The following LMNB1 variants were observed in gnomAD, a reference collection of about 807,000 sequenced individuals.
The protein encoded by LMNB1 is lamin B1, also known as lamin-B1.
In LMNB1, 23 loss-of-function variants were observed where a neutral mutation model predicts 67.1. The ratio of observed to expected loss-of-function variants is 0.34; its 90% CI spans 0.25 to 0.49. The LOEUF is 0.49. Among genes scored for constraint, LMNB1 ranks in the 20% least tolerant of loss-of-function variants. The probability of loss-of-function intolerance (pLI) is 0.99; values close to 1 mark genes in which losing one functional copy is unlikely to be tolerated. For synonymous variants in LMNB1, 281 were observed against 282.9 expected, an observed-to-expected ratio of 0.99 and a Z score of 0.07; for missense variants, 634 against 746.5, an observed-to-expected ratio of 0.85 and a Z score of 1.76.
chr5:126,780,498 G>T (rs371439129), intron 1 of LMNB1, among the ~76,000 whole-genome samples: 2 of 152,152 alleles, frequency 1.3e-5, no homozygotes, highest in Non-Finnish European at 2.9e-5. Flanking sequence ...TTTCAGCGGG[G>T]TTAAAAAATG....
intron 1 of LMNB1, among the ~76,000 whole-genome samples, chr5:126,784,717 G>A (rs921551723): frequency 6.8e-6 from 1 of 148,114 alleles, no homozygotes; most frequent in Non-Finnish European, 1.5e-5. Flanking sequence ...GTGCAGTGGC[G>A]CCATCTCGGC....
chr5:126,810,188 C>T lies in LMNB1; in HGVS notation c.651C>T (p.Asn217=), dbSNP rs762491977. 20 of 1,610,538 alleles carry T rather than the reference C, an allele frequency of 1.2e-5. No individual in the cohort carries two copies. The highest frequency in any genetic ancestry group is 3.3e-5 in the Admixed American group (2 of 59,956). ...TTTTGTTTTTTCCCCAGGAGATTAA[C>T]GAGACCAGAAGGAAGCATGAAACGC... ...FRKSMYEEEI[N]ETRRKHETRL... The change falls in exon 4 of 11, where the codon AAC becomes AAT. Residue 217 remains asparagine, a synonymous_variant. Coordinates refer to ENST00000261366, the MANE Select transcript of LMNB1 (RefSeq NM_005573.4).
At chr5:126,823,412 G>C (rs1751917735) in intron 8 of LMNB1, among the ~76,000 whole-genome samples, 1 of 152,074 alleles carries the variant, frequency 6.6e-6, no homozygotes, top group South Asian at 2.1e-4. Flanking sequence ...CTCTCTATTG[G>C]TATGTTCTGA....
chr5:126,807,778 T>G (rs558036181), intron 3 of LMNB1, among the ~76,000 whole-genome samples: 12 of 152,352 alleles, frequency 7.9e-5, no homozygotes, highest in Admixed American at 6.5e-4. Context: ...TAATTTAATA[T>G]TTTTAGAGTG....
rs79035189 is a variant in LMNB1, at chr5:126,798,784, T to C, written c.360-5992T>C. Among the ~76,000 whole-genome samples the C allele has an allele frequency of 2.8e-4, 43 of 151,654 alleles. 1 individual carries two copies. The East Asian group carries it at 5.2e-3, about 18-fold the overall frequency. ...AGAAGTGTGTGTGTGTGTGTGTGTG[T>C]GCGTGTGCTTGTAACATTTAGCAAA... On this transcript the variant is annotated intron_variant, in intron 1 of 10. Transcript: ENST00000261366.
Position 126,777,614 on chromosome 5 carries a change from C to A in LMNB1, c.106C>A (p.Leu36Met), listed in dbSNP as rs761096208. The change falls in exon 1 of 11, where the codon CTG becomes ATG. Residue 36 changes from leucine (L) to methionine (M), a missense_variant. Leu to Met is a conservative substitution (Grantham distance 15). Coordinates refer to ENST00000261366, the MANE Select transcript of LMNB1 (RefSeq NM_005573.4). ...GTCGCGGCTCCAGGAGAAGGAGGAG[C>A]TGCGCGAGCTCAATGACCGGCTGGC... ...RLSRLQEKEE[L>M]RELNDRLAVY... The A allele has an allele frequency of 1.3e-6, 2 of 1,539,784 alleles. No homozygotes were observed. The highest frequency in any genetic ancestry group is 2.4e-5 in the South Asian group (2 of 82,850).
intron 1 of LMNB1, among the ~76,000 whole-genome samples, chr5:126,788,600 C>T (rs1750869638): frequency 6.6e-6 from 1 of 152,172 alleles, no homozygotes; most frequent in South Asian, 2.1e-4. Context: ...TTGCAGTGAG[C>T]TGAGATTGCG....
chr5:126,823,811 A>C (rs1339144686), intron 8 of LMNB1, among the ~76,000 whole-genome samples: 1 of 152,240 alleles, frequency 6.6e-6, no homozygotes, highest in African/African-American at 2.4e-5. Context: ...AATGGGATCA[A>C]CTATCCTAAC....
rs1345567537 is a variant in LMNB1, at chr5:126,836,821, T to A, written c.*557T>A. 2.0e-5 allele frequency: 8 copies of A among 390,826 alleles called. No individual in the cohort carries two copies. The highest frequency in any genetic ancestry group is 3.6e-5 in the Non-Finnish European group (8 of 223,192). 24.2% of individuals were successfully genotyped at this position (390,826 alleles called of 1,614,324 possible). A position where few individuals can be genotyped will look rare whatever the true frequency, so the allele number is the denominator to read the frequency against. On this transcript the variant is annotated 3_prime_UTR_variant, in exon 11 of 11. Coordinates refer to ENST00000261366, the MANE Select transcript of LMNB1 (RefSeq NM_005573.4). ...TAACCTAATCACCATGTAAGCACTC[T>A]GGATGATGGATTCCACAAAACTTGG...
chr5:126,796,719 A>G (rs981661369), intron 1 of LMNB1, among the ~76,000 whole-genome samples: 1 of 151,942 alleles, frequency 6.6e-6, no homozygotes, highest in African/African-American at 2.4e-5. Flanking sequence ...TCACTGCTGT[A>G]GAATGTTAGC....
chr5:126,787,544 A>AT lies in LMNB1; in HGVS notation c.359+9678dup, dbSNP rs1222029249. On this transcript the variant is annotated intron_variant, in intron 1 of 10. Transcript: ENST00000261366. ...TGGGGGTATATATATATATATATAT[A>AT]TATTTTTTTTTTTTTTTTTTGAGAT... is the stretch of plus-strand genomic sequence containing the variant. Among the ~76,000 whole-genome samples, 29 of 76,290 alleles carry AT rather than the reference A, an allele frequency of 3.8e-4. 1 individual carries two copies. In the South Asian group the frequency reaches 5.5e-3, roughly 14 times the overall value. 50.0% of individuals were successfully genotyped at this position (76,290 alleles called of 152,430 possible).
chr5:126,778,391 A>T (rs1217504320), intron 1 of LMNB1, among the ~76,000 whole-genome samples: 2 of 152,024 alleles, frequency 1.3e-5, no homozygotes, highest in East Asian at 3.9e-4. Context: ...AAGGGGAGGG[A>T]CCTTCCCGCA....
intron 1 of LMNB1, among the ~76,000 whole-genome samples, chr5:126,799,214 T>G (rs1203635027): frequency 6.6e-6 from 1 of 152,160 alleles, no homozygotes; most frequent in Non-Finnish European, 1.5e-5. Flanking sequence ...GAGACGGGGT[T>G]TCACCGTGTT....
At chr5:126,778,210 C>G (rs910141095) in intron 1 of LMNB1, among the ~76,000 whole-genome samples, 9 of 152,012 alleles carry the variant, frequency 5.9e-5, no homozygotes, top group Non-Finnish European at 7.4e-5. Flanking sequence ...GGCGGCCCCT[C>G]AGGCCCCAGG....
Position 126,820,906 on chromosome 5 carries a change from A to G in LMNB1, c.1161-4A>G, listed in dbSNP as rs200179239. 52 of 1,606,532 alleles carry G rather than the reference A, an allele frequency of 3.2e-5. No individual in the cohort carries two copies. The highest frequency in any genetic ancestry group is 1.8e-4 in the Admixed American group (11 of 59,818). On this transcript the variant is annotated splice_polypyrimidine_tract_variant and splice_region_variant and intron_variant, in intron 6 of 10. Transcript: ENST00000261366. ...AAATGAATTGTTTTATTTTTCCCATATAGGTTGAAGCTGTCTCCAAGCCCT... is the reference window on the plus strand; with the variant it reads ...AAATGAATTGTTTTATTTTTCCCATGTAGGTTGAAGCTGTCTCCAAGCCCT...
At position 126,777,524 on chromosome 5, in the gene LMNB1, C is replaced by T. The variant is rs758245272; in HGVS notation, c.16C>T (p.Pro6Ser). The T allele has an allele frequency of 2.2e-6, 3 of 1,386,888 alleles. No homozygotes were observed. The Admixed American group carries it at 1.0e-4, about 48-fold the overall frequency. 85.9% of individuals were successfully genotyped at this position (1,386,888 alleles called of 1,614,324 possible). A position where few individuals can be genotyped will look rare whatever the true frequency, so the allele number is the denominator to read the frequency against. ...GCCGCCCGCCATGGCGACTGCGACC[C>T]CCGTGCCGCCGCGGATGGGCAGCCG... MATAT[P>S]VPPRMGSRAG... is the part of the protein sequence containing the mutation. Residue 6 changes from proline to serine, a missense_variant, in exon 1 of 11, where the codon CCC (proline) becomes TCC (serine). Pro to Ser is a moderately conservative substitution (Grantham distance 74). Coordinates refer to ENST00000261366, the MANE Select transcript of LMNB1 (RefSeq NM_005573.4).
chr5:126,822,084 C>T (rs1751884771), intron 7 of LMNB1, among the ~76,000 whole-genome samples: 1 of 151,672 alleles, frequency 6.6e-6, no homozygotes, highest in African/African-American at 2.4e-5. Context: ...GCTCCTCCAC[C>T]TCTTGGGTTC....
intron 9 of LMNB1, among the ~76,000 whole-genome samples, chr5:126,828,142 G>A (rs941492235): frequency 1.3e-5 from 2 of 152,178 alleles, no homozygotes; most frequent in Admixed American, 6.5e-5. Flanking sequence ...AAAAAGTTCT[G>A]TTCATGGCCA....
At position 126,777,469 on chromosome 5, in the gene LMNB1, C is replaced by A. The variant is rs1249065816; in HGVS notation, c.-40C>A. 1.5e-6 allele frequency: 2 copies of A among 1,297,798 alleles called. No homozygotes were observed. The highest frequency in any genetic ancestry group is 1.9e-6 in the Non-Finnish European group (2 of 1,027,412). The allele number at this position is 1,297,798 out of a possible 1,614,324, so 80.4% of individuals were successfully genotyped here. The stretch of plus-strand genomic sequence containing the variant: ...TGCCGTCCCCTCCTTATCACGGTCC[C>A]GCTCGCGGCCTCGCCGCCCCGCTGT... On this transcript the variant is annotated 5_prime_UTR_variant, in exon 1 of 11. Coordinates refer to ENST00000261366, the MANE Select transcript of LMNB1 (RefSeq NM_005573.4).
Sources: allele counts gnomAD v4.1 joint callset (sites outside exome capture counted in the v4.1 genomes callset), GRCh38; gene constraint gnomAD v4.1.1; transcripts MANE v1.5; gene names NCBI Gene and HGNC (gene_info 2026-07-23, HGNC 2026-07-21).